ARHGAP42: variants seen among roughly 807,000 people sequenced by gnomAD.
The protein encoded by ARHGAP42 is rho GTPase-activating protein 42.
In ARHGAP42, 63 loss-of-function variants were observed where a neutral mutation model predicts 125.0. The observed-to-expected ratio is 0.50, with a 90% CI of 0.41 to 0.62. ARHGAP42 has a LOEUF of 0.62. Among genes scored for constraint, ARHGAP42 ranks in the 20% least tolerant of loss-of-function variants. The pLI is 0.00. For synonymous variants in ARHGAP42, 339 were observed against 351.0 expected (o/e 0.97, Z 0.38); for missense variants, 766 against 1,024.2 (o/e 0.75, Z 3.44).
chr11:100,965,233 A>G (rs561268), intron 16 of ARHGAP42, among the ~76,000 whole-genome samples: 27,185 of 152,090 alleles, frequency 0.18, 3,306 homozygotes, highest in East Asian at 0.44. Flanking sequence ...ACTACAATTC[A>G]AGATGAGATT....
At chr11:100,879,727 A>T (rs1865911254) in intron 4 of ARHGAP42, among the ~76,000 whole-genome samples, 1 of 151,934 alleles carries the variant, frequency 6.6e-6, no homozygotes, top group African/African-American at 2.4e-5. Flanking sequence ...GTCCCTAATC[A>T]CCACTGCCTC....
chr11:100,717,348 C>T (rs1861679303), intron 1 of ARHGAP42, among the ~76,000 whole-genome samples: 1 of 151,848 alleles, frequency 6.6e-6, no homozygotes, highest in South Asian at 2.1e-4. Flanking sequence ...AAAAAGATAC[C>T]ATATATAGGC....
At chr11:100,806,019 G>C (rs993511624) in intron 3 of ARHGAP42, among the ~76,000 whole-genome samples, 11 of 152,250 alleles carry the variant, frequency 7.2e-5, no homozygotes, top group African/African-American at 2.6e-4. Context: ...GCCCAGTTAA[G>C]TCTCAGCCTT....
chr11:100,739,390 CTA>C lies in ARHGAP42; in HGVS notation c.155-30951_155-30950del, dbSNP rs1158075848. 6.6e-5 allele frequency among the ~76,000 whole-genome samples: 10 copies of C among 151,858 alleles called. No individual in the cohort carries two copies. In the East Asian group the frequency reaches 1.9e-3, roughly 29 times the overall value. On this transcript the variant is annotated intron_variant, in intron 1 of 23. Transcript: ENST00000298815. ...TTTGAAATCCTGAGAAACATTTTTT[CTA>C]TGACTCTCAAAAATAACTTCAGATT...
intron 4 of ARHGAP42, among the ~76,000 whole-genome samples, chr11:100,869,655 A>C (rs1223905031): frequency 6.6e-6 from 1 of 152,168 alleles, no homozygotes; most frequent in Non-Finnish European, 1.5e-5. Flanking sequence ...GAACATAATC[A>C]AGAAGCCATT....
Position 100,987,565 on chromosome 11 carries a change from T to C in ARHGAP42, c.2509T>C (p.Phe837Leu). 6.4e-7 allele frequency: 1 copy of C among 1,551,846 alleles called. No individual in the cohort carries two copies. The highest frequency in any genetic ancestry group is 8.7e-7 in the Non-Finnish European group (1 of 1,146,940). ...AGCAGAGCACAGTCATGAGCTTTCC[T>C]TCCCACAAGGAGCAATATTTTCTAA... ...CKAEHSHELS[F>L]PQGAIFSNVY... The change falls in exon 23 of 24, where the codon TTC (phenylalanine) becomes CTC (leucine). Residue 837 changes from phenylalanine to leucine, a missense_variant. This residue lies in a region of ARHGAP42 where 308 missense variants were observed against 369.7 expected (regional missense o/e 0.83). Transcript: ENST00000298815.
chr11:100,741,568 C>G (rs1236573772), intron 1 of ARHGAP42, among the ~76,000 whole-genome samples: 1 of 152,204 alleles, frequency 6.6e-6, no homozygotes, highest in Non-Finnish European at 1.5e-5. Flanking sequence ...GAAGACCTAG[C>G]TTCCTCACCC....
chr11:100,825,130 G>A lies in ARHGAP42; in HGVS notation c.312+29964G>A, dbSNP rs181953193. 1.4e-3 allele frequency among the ~76,000 whole-genome samples: 206 copies of A among 152,246 alleles called. 2 individuals carry two copies. Among genetic ancestry groups the A allele is most frequent in the African/African-American group, 4.8e-3 (201 of 41,542 alleles). ...TCATTGATAAAATTAACAATGAGTA[G>A]CTCCTAGAAATTAGAAATACCTTTA... is the stretch of plus-strand genomic sequence containing the variant. On this transcript the variant is annotated intron_variant, in intron 3 of 23. Transcript: ENST00000298815.
At chr11:100,795,240 A>G in intron 3 of ARHGAP42, 74 bp downstream of exon 3, 3 of 1,153,942 alleles carry the variant, frequency 2.6e-6, no homozygotes, top group Non-Finnish European at 3.6e-6. Flanking sequence ...GACTTCCTGA[A>G]CTAGAGAACT....
At chr11:100,818,865 TGTAGAG>T (rs1211994409) in intron 3 of ARHGAP42, among the ~76,000 whole-genome samples, 2 of 152,128 alleles carry the variant, frequency 1.3e-5, no homozygotes, top group East Asian at 3.8e-4. Context: ...AGCCAGATTA[TGTAGAG>T]GTAGAGATGG....
chr11:100,921,653 A>G (rs1867272735), intron 6 of ARHGAP42, 49 bp downstream of exon 6: 4 of 1,131,298 alleles, frequency 3.5e-6, no homozygotes, highest in Admixed American at 2.8e-5. Context: ...CAATCTATGG[A>G]AAAAAAGTAC....
intron 1 of ARHGAP42, among the ~76,000 whole-genome samples, chr11:100,690,415 A>T (rs920420515): frequency 6.6e-6 from 1 of 152,150 alleles, no homozygotes; most frequent in African/African-American, 2.4e-5. Flanking sequence ...ACGCCTGACT[A>T]TTCCAATAAG....
At chr11:100,721,128 A>G (rs1861751102) in intron 1 of ARHGAP42, among the ~76,000 whole-genome samples, 1 of 151,400 alleles carries the variant, frequency 6.6e-6, no homozygotes, top group Admixed American at 6.6e-5. Context: ...AAGTCAAGAG[A>G]TTACACTGAG....
rs115470184 is a variant in ARHGAP42 at position 100,929,296 on chromosome 11, C to G, written c.598-3860C>G. Among the ~76,000 whole-genome samples the G allele has an allele frequency of 4.0e-3, 607 of 152,278 alleles. 4 individuals are homozygous for G. Among genetic ancestry groups the G allele is most frequent in the African/African-American group, 0.014 (580 of 41,540 alleles). ...AGCACTGATCTGATAGGAGGCAGAG[C>G]TCACCCAGGTCTCACCTCCTGCCAT... On this transcript the variant is annotated intron_variant, in intron 6 of 23. Transcript: ENST00000298815.
intron 6 of ARHGAP42, among the ~76,000 whole-genome samples, chr11:100,930,215 G>A (rs1251107013): frequency 6.6e-6 from 1 of 152,164 alleles, no homozygotes; most frequent in South Asian, 2.1e-4. Flanking sequence ...CAGCCATTCA[G>A]GCAGATTCAC....
chr11:100,937,941 G>T (rs182230993), intron 8 of ARHGAP42, among the ~76,000 whole-genome samples: 16 of 152,172 alleles, frequency 1.1e-4, no homozygotes, highest in African/African-American at 3.6e-4. Context: ...TGGACTAAGC[G>T]CAGTGTTTTA....
intron 1 of ARHGAP42, among the ~76,000 whole-genome samples, chr11:100,714,675 C>A (rs1861623965): frequency 6.6e-6 from 1 of 152,106 alleles, no homozygotes; most frequent in Non-Finnish European, 1.5e-5. Flanking sequence ...TTTTCAGATT[C>A]TTTTTGGTCA....
At chr11:100,844,906 A>C (rs953501805) in intron 3 of ARHGAP42, among the ~76,000 whole-genome samples, 2 of 152,080 alleles carry the variant, frequency 1.3e-5, no homozygotes, top group African/African-American at 4.8e-5. Flanking sequence ...CTAAAATAGA[A>C]CTATCATTTG....
At chr11:100,829,586 C>G (rs961114456) in intron 3 of ARHGAP42, among the ~76,000 whole-genome samples, 15 of 152,142 alleles carry the variant, frequency 9.9e-5, no homozygotes, top group Non-Finnish European at 2.1e-4. Context: ...CCTCCTCTGC[C>G]CCCTAGGGTG....
Sources: gnomAD v4.1 joint callset for allele counts (sites outside exome capture counted in the v4.1 genomes callset) on GRCh38, gnomAD v4.1.1 for gene constraint, gnomAD v4.1.1 regional missense constraint, MANE v1.5 for transcripts, NCBI Gene and HGNC (gene_info 2026-07-23, HGNC 2026-07-21) for gene names.